ALDH5A1: variants seen among roughly 807,000 people sequenced by gnomAD.
ALDH5A1 encodes the protein succinate-semialdehyde dehydrogenase, mitochondrial.
In ALDH5A1, 33 loss-of-function variants were observed where a neutral mutation model predicts 54.7. The observed-to-expected ratio is 0.60, with a 90% CI of 0.46 to 0.81. The LOEUF (loss-of-function observed/expected upper bound fraction) is 0.81. Among genes scored for constraint, ALDH5A1 ranks in the 30% least tolerant of loss-of-function variants. The pLI, the probability that ALDH5A1 is intolerant of heterozygous loss-of-function variation, is 0.00. For synonymous variants in ALDH5A1, 294 were observed against 292.7 expected, an observed-to-expected ratio of 1.00 and a Z score of -0.05; for missense variants, 657 against 711.0, an observed-to-expected ratio of 0.92 and a Z score of 0.86.
chr6:24,513,664 A>G (rs1304912309), intron 4 of ALDH5A1, among the ~76,000 whole-genome samples: 1 of 151,838 alleles, frequency 6.6e-6, no homozygotes, highest in Non-Finnish European at 1.5e-5. Context: ...CATCCCATGT[A>G]CTCACCTACT....
intron 4 of ALDH5A1, among the ~76,000 whole-genome samples, chr6:24,514,000 T>C (rs961837987): frequency 6.6e-5 from 10 of 152,254 alleles, no homozygotes; most frequent in African/African-American, 1.7e-4. Flanking sequence ...CATGAGGATA[T>C]TGAGGGAGAC....
intron 4 of ALDH5A1, chr6:24,511,813 T>A (rs1759466835): frequency 7.7e-6 from 4 of 517,782 alleles, no homozygotes; most frequent in Non-Finnish European, 1.4e-5. Flanking sequence ...TAAATAACTA[T>A]CTGAATTCTT....
In ALDH5A1 at chr6:24,518,003, G is replaced by C. The variant is rs148454661; in HGVS notation, c.871-2398G>C. On this transcript the variant is annotated intron_variant, in intron 5 of 9. Coordinates refer to ENST00000357578, the MANE Select transcript of ALDH5A1 (RefSeq NM_001080.3). This position sits in a 1 kb window ranked among gnomAD's most constrained non-coding sequence, Gnocchi z 4.2. ...CATCTCTTCCTCTGTTCAGAAAACT[G>C]AATCATGAGTGGTCATTGACTTGAG... 8.6e-4 allele frequency among the ~76,000 whole-genome samples: 131 copies of C among 152,310 alleles called. No individual in the cohort carries two copies. The highest frequency in any genetic ancestry group is 3.4e-3 in the Middle Eastern group (1 of 294).
At chr6:24,527,090 G>A (rs1759827006) in intron 7 of ALDH5A1, among the ~76,000 whole-genome samples, 2 of 148,838 alleles carry the variant, frequency 1.3e-5, no homozygotes, top group South Asian at 2.1e-4. Context: ...GAAGAAAAAG[G>A]GTGAGAACCA....
At chr6:24,508,077 T>C (rs1000657512) in intron 4 of ALDH5A1, among the ~76,000 whole-genome samples, 5 of 151,896 alleles carry the variant, frequency 3.3e-5, no homozygotes, top group Admixed American at 1.3e-4. Flanking sequence ...AGAATAATAC[T>C]CTCCAGGCCA....
At chr6:24,520,628 A>G (rs1256378489) in intron 6 of ALDH5A1, 84 bp downstream of exon 6, 3 of 1,554,840 alleles carry the variant, frequency 1.9e-6, no homozygotes, top group African/African-American at 1.4e-5. Flanking sequence ...ATATGTGTGC[A>G]TGTGAGTGTG....
intron 3 of ALDH5A1, 58 bp downstream of exon 3, chr6:24,503,491 C>A: frequency 6.3e-7 from 1 of 1,585,574 alleles, no homozygotes; most frequent in Non-Finnish European, 8.6e-7. Context: ...AGTTGGGAAA[C>A]AATTCATTCT....
chr6:24,535,617 T>C lies in ALDH5A1; in HGVS notation c.*1905T>C, dbSNP rs191819140. 3.9e-5 allele frequency: 6 copies of C among 152,320 alleles called. No individual in the cohort carries two copies. Among genetic ancestry groups the C allele is most frequent in the Admixed American group, 3.9e-4 (6 of 15,294 alleles). The allele number at this position is 152,320 out of a possible 1,614,324, so 9.4% of individuals were successfully genotyped here. On this transcript the variant is annotated 3_prime_UTR_variant, in exon 10 of 10. Coordinates refer to ENST00000357578, the MANE Select transcript of ALDH5A1 (RefSeq NM_001080.3). Reference sequence around the variant, plus strand: ...TCACGACATCAGGAGATCGAGACCATCCTGGCTAACACGGTGAAACCCCGT... The same window carrying C: ...TCACGACATCAGGAGATCGAGACCACCCTGGCTAACACGGTGAAACCCCGT...
chr6:24,515,523 G>A (rs140636278), intron 5 of ALDH5A1, among the ~76,000 whole-genome samples: 65 of 152,180 alleles, frequency 4.3e-4, no homozygotes, highest in African/African-American at 1.5e-3. Flanking sequence ...CCAGGAGTTC[G>A]AGACCAGCCT....
At chr6:24,513,635 C>T (rs547348483) in intron 4 of ALDH5A1, among the ~76,000 whole-genome samples, 47 of 152,182 alleles carry the variant, frequency 3.1e-4, no homozygotes, top group African/African-American at 1.1e-3. Context: ...CTCTCCATGC[C>T]CTTCATTCCT....
At chr6:24,505,106 T>C in intron 4 of ALDH5A1, 121 bp downstream of exon 4, 1 of 1,019,656 alleles carries the variant, frequency 9.8e-7, no homozygotes, top group South Asian at 1.3e-5. Flanking sequence ...ATGCATGGTG[T>C]TGTGTATTAA....
chr6:24,505,105 G>T (rs1171062019), intron 4 of ALDH5A1, 120 bp downstream of exon 4: 2 of 1,020,616 alleles, frequency 2.0e-6, no homozygotes, highest in Non-Finnish European at 3.1e-6. Flanking sequence ...GATGCATGGT[G>T]TTGTGTATTA....
chr6:24,524,723 A>C (rs2127388483), intron 7 of ALDH5A1, among the ~76,000 whole-genome samples: 1 of 152,356 alleles, frequency 6.6e-6, no homozygotes. Flanking sequence ...CCTTGGGGAC[A>C]AGGCAGGGGT....
At chr6:24,500,331 A>C (rs2127381432) in intron 1 of ALDH5A1, among the ~76,000 whole-genome samples, 1 of 152,282 alleles carries the variant, frequency 6.6e-6, no homozygotes, top group East Asian at 1.9e-4. Flanking sequence ...TCCATATGTC[A>C]GTCTCTGGGA....
At chr6:24,521,857 A>ATT (rs71542679) in intron 6 of ALDH5A1, among the ~76,000 whole-genome samples, 2,523 of 98,104 alleles carry the variant, frequency 0.026, 70 homozygotes, top group African/African-American at 0.05. Context: ...TGTCTCTACA[A>ATT]TTTTTTTTTT....
At chr6:24,499,803 C>T (rs945101107) in intron 1 of ALDH5A1, among the ~76,000 whole-genome samples, 2 of 152,028 alleles carry the variant, frequency 1.3e-5, no homozygotes, top group African/African-American at 4.8e-5. Context: ...GGACTACAGG[C>T]GCCTGCCACC....
At chr6:24,505,607 C>T (rs1759323435) in intron 4 of ALDH5A1, among the ~76,000 whole-genome samples, 2 of 152,162 alleles carry the variant, frequency 1.3e-5, no homozygotes, top group African/African-American at 4.8e-5. Context: ...ACCCCTATAA[C>T]TTGCTTCTTC....
chr6:24,498,113 T>C (rs1161488148), intron 1 of ALDH5A1, among the ~76,000 whole-genome samples: 1 of 152,102 alleles, frequency 6.6e-6, no homozygotes, highest in African/African-American at 2.4e-5. Context: ...CTCCAGGGCT[T>C]TTGGCCTGAG....
intron 9 of ALDH5A1, 129 bp downstream of exon 9, chr6:24,532,306 C>A: frequency 1.1e-6 from 1 of 932,008 alleles, no homozygotes; most frequent in South Asian, 1.4e-5. Context: ...TTGTTGCTTT[C>A]CAAGTGGTGG....
Sources: gnomAD v4.1 joint callset for allele counts (sites outside exome capture counted in the v4.1 genomes callset) on GRCh38, gnomAD v4.1.1 for gene constraint, Gnocchi (gnomAD v3.1) non-coding constraint, MANE v1.5 for transcripts, NCBI Gene and HGNC (gene_info 2026-07-23, HGNC 2026-07-21) for gene names.